ABHD2: variants seen among roughly 807,000 people sequenced by gnomAD.
ABHD2 encodes the protein monoacylglycerol lipase ABHD2.
ABHD2 carries 20 observed loss-of-function variants against 48.1 expected under a neutral mutation model. That is an observed-to-expected ratio of 0.42 (90% confidence interval 0.29 to 0.60). ABHD2 has a LOEUF of 0.60. ABHD2 is among the 20% of genes least tolerant of loss of function. The pLI is 0.24. For synonymous variants in ABHD2, 209 were observed against 214.2 expected, an observed-to-expected ratio of 0.98 and a Z score of 0.21; for missense variants, 405 against 550.9, an observed-to-expected ratio of 0.74 and a Z score of 2.65.
the ABHD2 span, among the ~76,000 whole-genome samples, chr15:89,051,097 G>T: frequency 6.6e-6 from 1 of 152,182 alleles, no homozygotes; most frequent in African/African-American, 2.4e-5. Context: ...GCTGGGCGTG[G>T]TGGTGCGCGC....
At chr15:89,194,701 A>T (rs28407294) in intron 10 of ABHD2, among the ~76,000 whole-genome samples, 6,526 of 152,266 alleles carry the variant, frequency 0.043, 473 homozygotes, top group African/African-American at 0.15. Flanking sequence ...GGAACTTTTT[A>T]AAAATGCAGA....
chr15:89,076,819 T>A, the ABHD2 span, among the ~76,000 whole-genome samples: 3 of 152,176 alleles, frequency 2.0e-5, no homozygotes, highest in South Asian at 4.1e-4. Context: ...ATAAGACCCA[T>A]ACATTCCATT....
At position 89,167,690 on chromosome 15, in the gene ABHD2, C is replaced by A. The variant is rs972135329; in HGVS notation, c.539-8122C>A. On this transcript the variant is annotated intron_variant, in intron 5 of 10. Transcript: ENST00000352732. This position sits in a 1 kb window ranked among gnomAD's most constrained non-coding sequence, Gnocchi z 5.5. The stretch of plus-strand genomic sequence containing the variant: ...CAACTAATTTGATAGCACAAAGGGG[C>A]CTTAACTTTATTTCTACAGCTATTG... Among the ~76,000 whole-genome samples, 7 of 152,112 alleles carry A rather than the reference C, an allele frequency of 4.6e-5. No homozygotes were observed. Among genetic ancestry groups the A allele is most frequent in the African/African-American group, 1.7e-4 (7 of 41,406 alleles).
chr15:89,140,697 C>T (rs573960898), intron 3 of ABHD2, among the ~76,000 whole-genome samples: 1 of 152,176 alleles, frequency 6.6e-6, no homozygotes, highest in Non-Finnish European at 1.5e-5. Context: ...GGGAGCCTCA[C>T]GTCACCTCTG....
the ABHD2 span, among the ~76,000 whole-genome samples, chr15:89,053,902 C>T: frequency 6.6e-6 from 1 of 152,196 alleles, no homozygotes; most frequent in African/African-American, 2.4e-5. Flanking sequence ...GCCTCACCTC[C>T]GCATGGAGCC....
Position 89,195,696 on chromosome 15 carries a change from T to A in ABHD2, c.*273T>A, listed in dbSNP as rs2051390293. 2.5e-6 allele frequency: 1 copy of A among 399,042 alleles called. No homozygotes were observed. Among genetic ancestry groups the A allele is most frequent in the East Asian group, 4.5e-5 (1 of 22,360 alleles). 24.7% of individuals were successfully genotyped at this position (399,042 alleles called of 1,614,324 possible). The stretch of plus-strand genomic sequence containing the variant: ...CCCTCTGTCCAGTTTCAGCATCTGG[T>A]TGCTTTTAAGCCAAGTACATCTAGT... On this transcript the variant is annotated 3_prime_UTR_variant, in exon 11 of 11. Coordinates refer to ENST00000352732, the MANE Select transcript of ABHD2 (RefSeq NM_152924.5). This position sits in a 1 kb window ranked among gnomAD's most constrained non-coding sequence, Gnocchi z 5.1.
chr15:89,156,328 A>G (rs1332970312), intron 5 of ABHD2, among the ~76,000 whole-genome samples: 3 of 150,892 alleles, frequency 2.0e-5, no homozygotes, highest in Non-Finnish European at 3.0e-5. Context: ...TCACCATGTT[A>G]GCCAGGATGG....
chr15:89,058,884 C>G, the ABHD2 span, among the ~76,000 whole-genome samples: 4 of 151,440 alleles, frequency 2.6e-5, no homozygotes, highest in African/African-American at 9.7e-5. Context: ...AGAAGCCATC[C>G]TTTCAAGGGC....
the ABHD2 span, among the ~76,000 whole-genome samples, chr15:89,063,830 C>T: frequency 6.6e-6 from 1 of 152,082 alleles, no homozygotes; most frequent in Admixed American, 6.5e-5. Context: ...TCATGGAAGA[C>T]AATTTTTCCA....
At position 89,175,992 on chromosome 15, in the gene ABHD2, T is replaced by C. The variant is rs1225735069; in HGVS notation, c.719T>C (p.Leu240Pro). The stretch of plus-strand genomic sequence containing the variant: ...AGCGTGTGCCAGGGGTACAGTGCAC[T>C]GAGGTGAGTCATCTCCGCCTTCCAT... ...CVSVCQGYSA[L>P]RAQETFMQWD... Residue 240 changes from leucine (L) to proline (P), a missense_variant, in exon 6 of 11, where the codon CTG becomes CCG. Coordinates refer to ENST00000352732, the MANE Select transcript of ABHD2 (RefSeq NM_152924.5). The surrounding 1 kb of genome is among the most constrained non-coding windows in gnomAD (Gnocchi z 5.7). 1 of 1,595,152 alleles carries C rather than the reference T, an allele frequency of 6.3e-7. No individual in the cohort carries two copies. Among genetic ancestry groups the C allele is most frequent in the South Asian group, 1.1e-5 (1 of 89,658 alleles).
At chr15:89,193,394 T>G in intron 10 of ABHD2, 75 bp downstream of exon 10, 1 of 1,201,970 alleles carries the variant, frequency 8.3e-7, no homozygotes, top group Non-Finnish European at 1.2e-6. Context: ...TTCACCATGC[T>G]GTCATCTCCT....
chr15:89,173,496 C>T lies in ABHD2; in HGVS notation c.539-2316C>T. On this transcript the variant is annotated intron_variant, in intron 5 of 10. Transcript: ENST00000352732. This position sits in a 1 kb window ranked among gnomAD's most constrained non-coding sequence, Gnocchi z 6.5. ...GCTGAGGCAGGAGGATCGCTTGAAC[C>T]TGAGAGGCAGAGGTTGTAGTGAGCC... is the stretch of plus-strand genomic sequence containing the variant. 6.6e-6 allele frequency among the ~76,000 whole-genome samples: 1 copy of T among 152,228 alleles called. No individual in the cohort carries two copies. Among genetic ancestry groups the T allele is most frequent in the Non-Finnish European group, 1.5e-5 (1 of 68,044 alleles).
chr15:89,187,570 G>C (rs1023481539), intron 7 of ABHD2, among the ~76,000 whole-genome samples: 4 of 152,006 alleles, frequency 2.6e-5, no homozygotes, highest in Non-Finnish European at 4.4e-5. Flanking sequence ...TGCACGTTGT[G>C]ACCCCTACCT....
intron 3 of ABHD2, among the ~76,000 whole-genome samples, chr15:89,149,907 G>C (rs2050563752): frequency 6.6e-6 from 1 of 152,170 alleles, no homozygotes; most frequent in Non-Finnish European, 1.5e-5. Context: ...CCATTGGCGG[G>C]TGGATGATGG....
chr15:89,160,726 T>C (rs1340354309), intron 5 of ABHD2, among the ~76,000 whole-genome samples: 2 of 152,204 alleles, frequency 1.3e-5, no homozygotes, highest in Non-Finnish European at 2.9e-5. Flanking sequence ...ATGGAGCAGC[T>C]ACCTGCTGGA....
chr15:89,069,792 G>A, the ABHD2 span, among the ~76,000 whole-genome samples: 1 of 141,586 alleles, frequency 7.1e-6, no homozygotes, highest in African/African-American at 2.6e-5. Context: ...TGATTCTCCT[G>A]CCTCAGCCTC....
At chr15:89,156,248 G>A (rs928938366) in intron 5 of ABHD2, among the ~76,000 whole-genome samples, 8 of 148,392 alleles carry the variant, frequency 5.4e-5, no homozygotes, top group Non-Finnish European at 1.0e-4. Context: ...AGCCTCCCAA[G>A]TAGCTGGGAC....
At chr15:89,078,130 C>T in the ABHD2 span, among the ~76,000 whole-genome samples, 1 of 152,162 alleles carries the variant, frequency 6.6e-6, no homozygotes, top group African/African-American at 2.4e-5. Flanking sequence ...GTGGGGAAGT[C>T]CTGAAGAATC....
chr15:89,142,137 A>G (rs1455936252), intron 3 of ABHD2, among the ~76,000 whole-genome samples: 1 of 152,220 alleles, frequency 6.6e-6, no homozygotes. Context: ...CTTGACTAGC[A>G]GTGTGAATGT....
Sources: allele counts gnomAD v4.1 joint callset (sites outside exome capture counted in the v4.1 genomes callset), GRCh38; gene constraint gnomAD v4.1.1; non-coding constraint Gnocchi (gnomAD v3.1); transcripts MANE v1.5; gene names NCBI Gene and HGNC (gene_info 2026-07-23, HGNC 2026-07-21).